SPIDR: variants seen among roughly 807,000 people sequenced by gnomAD.
SPIDR encodes the protein DNA repair-scaffolding protein.
Under a neutral mutation model 104.6 loss-of-function variants are expected in SPIDR, and 93 were observed. The observed-to-expected ratio is 0.89, with a 90% CI of 0.75 to 1.06. SPIDR has a LOEUF of 1.06. Ranked by LOEUF, SPIDR falls within the 50% of genes least tolerant of loss-of-function variation. The pLI, the probability that SPIDR is intolerant of heterozygous loss-of-function variation, is 0.00. For synonymous variants in SPIDR, 431 were observed against 416.9 expected (o/e 1.03, Z -0.41); for missense variants, 1,154 against 1,111.2 (o/e 1.04, Z -0.55).
intron 1 of SPIDR, 122 bp downstream of exon 1, chr8:47,261,113 C>A: frequency 9.0e-7 from 1 of 1,105,344 alleles, no homozygotes; most frequent in Non-Finnish European, 1.1e-6. Context: ...GGGTGAAGGG[C>A]TAGGTGGTGG....
chr8:47,595,955 G>T lies in SPIDR; in HGVS notation c.1242G>T (p.Leu414Phe). 1.2e-6 allele frequency: 2 copies of T among 1,613,962 alleles called. No individual in the cohort carries two copies. Among genetic ancestry groups the T allele is most frequent in the Non-Finnish European group, 1.7e-6 (2 of 1,179,980 alleles). ...CCCTTCCAAGAAGAAGCATCTCTTT[G>T]GCCCAGATGTTTGTAATTAAGGGTC... ...DIPLPRRSIS[L>F]AQMFVIKGLT... The change falls in exon 9 of 20, where the codon TTG (leucine) becomes TTT (phenylalanine). Residue 414 changes from leucine to phenylalanine, a missense_variant. Coordinates refer to ENST00000297423, the MANE Select transcript of SPIDR (RefSeq NM_001080394.4).
intron 8 of SPIDR, among the ~76,000 whole-genome samples, chr8:47,441,845 G>T (rs1174775782): frequency 6.6e-6 from 1 of 152,114 alleles, no homozygotes; most frequent in African/African-American, 2.4e-5. Flanking sequence ...GGTAGTGAAT[G>T]CAATTTTATT....
chr8:47,495,421 A>G (rs1380070774), intron 8 of SPIDR, among the ~76,000 whole-genome samples: 1 of 152,108 alleles, frequency 6.6e-6, no homozygotes, highest in Non-Finnish European at 1.5e-5. Context: ...AACATAGTAT[A>G]CAATTCTTCA....
chr8:47,488,363 G>C (rs1403949357), intron 8 of SPIDR, among the ~76,000 whole-genome samples: 2 of 152,124 alleles, frequency 1.3e-5, no homozygotes, highest in African/African-American at 4.8e-5. Flanking sequence ...ATAATTAATA[G>C]CCTACCAACC....
chr8:47,683,514 A>G (rs2077352260), intron 11 of SPIDR, among the ~76,000 whole-genome samples: 1 of 152,170 alleles, frequency 6.6e-6, no homozygotes, highest in Non-Finnish European at 1.5e-5. Flanking sequence ...TCTACCCATA[A>G]ACTTATTTTC....
Position 47,391,046 on chromosome 8 carries a change from G to A in SPIDR, c.526-5330G>A, listed in dbSNP as rs147316730. The stretch of plus-strand genomic sequence containing the variant: ...ACATATCCTTTCTGAAAGATCGTGT[G>A]TTTCTCACAGTCGGGCTTAGGCCAA... On this transcript the variant is annotated intron_variant, in intron 5 of 19. Transcript: ENST00000297423. Among the ~76,000 whole-genome samples, 160 of 152,248 alleles carry A rather than the reference G, an allele frequency of 1.1e-3. 3 individuals carry two copies. In the East Asian group the frequency reaches 0.025, roughly 24 times the overall value.
intron 1 of SPIDR, among the ~76,000 whole-genome samples, chr8:47,271,467 T>G (rs2154214735): frequency 6.6e-6 from 1 of 152,246 alleles, no homozygotes; most frequent in East Asian, 1.9e-4. Flanking sequence ...TGTGAATTCC[T>G]TTTTTTGCCA....
chr8:47,495,912 A>C (rs561103241), intron 8 of SPIDR, among the ~76,000 whole-genome samples: 2 of 152,160 alleles, frequency 1.3e-5, no homozygotes, highest in Admixed American at 6.6e-5. Flanking sequence ...CTTTAGGTCT[A>C]TGTACCATCC....
At chr8:47,305,817 CACATA>C (rs1338565588) in intron 5 of SPIDR, among the ~76,000 whole-genome samples, 1 of 152,138 alleles carries the variant, frequency 6.6e-6, no homozygotes, top group African/African-American at 2.4e-5. Context: ...TTTTAAAATA[CACATA>C]ACATAAAATT....
intron 10 of SPIDR, among the ~76,000 whole-genome samples, chr8:47,666,972 T>C (rs1478354931): frequency 6.6e-6 from 1 of 152,132 alleles, no homozygotes; most frequent in African/African-American, 2.4e-5. Context: ...TTTAGTCAAA[T>C]TAGCTCAACT....
At chr8:47,444,484 G>A (rs2070150928) in intron 8 of SPIDR, among the ~76,000 whole-genome samples, 1 of 152,214 alleles carries the variant, frequency 6.6e-6, no homozygotes, top group African/African-American at 2.4e-5. Context: ...ATTGTCATGA[G>A]TATACCCTTC....
At chr8:47,493,016 GGAGAGAGAGA>G (rs35531714) in intron 8 of SPIDR, among the ~76,000 whole-genome samples, 1 of 140,394 alleles carries the variant, frequency 7.1e-6, no homozygotes, top group South Asian at 2.4e-4. Flanking sequence ...TTGAGCCATT[GGAGAGAGAGA>G]GAGAGAGAGA....
At position 47,496,810 on chromosome 8, in the gene SPIDR, ATGTTTGTTTGTTTGTT is replaced by A. The variant is rs56406549; in HGVS notation, c.1097+56288_1097+56303del. Among the ~76,000 whole-genome samples the A allele has an allele frequency of 2.2e-4, 32 of 146,060 alleles. No homozygotes were observed. In the East Asian group the frequency reaches 5.1e-3, roughly 23 times the overall value. On this transcript the variant is annotated intron_variant, in intron 8 of 19. Transcript: ENST00000297423. ...TTCACCACTGAAACTATCTGGGCCTATGTTTGTTTGTTTGTTTGTTTGTTTGTTTGTTTGTCAGAAG... is the reference window on the plus strand; with the variant it reads ...TTCACCACTGAAACTATCTGGGCCTATGTTTGTTTGTTTGTTTGTCAGAAG...
At chr8:47,320,744 C>A (rs1039037090) in intron 5 of SPIDR, among the ~76,000 whole-genome samples, 1 of 152,166 alleles carries the variant, frequency 6.6e-6, no homozygotes, top group Non-Finnish European at 1.5e-5. Context: ...AAAAGCTTAT[C>A]CACCATGATC....
At chr8:47,694,976 A>C (rs536816693) in intron 11 of SPIDR, among the ~76,000 whole-genome samples, 1 of 152,298 alleles carries the variant, frequency 6.6e-6, no homozygotes, top group East Asian at 1.9e-4. Flanking sequence ...ACACAAAAAC[A>C]TATTTAGCAA....
rs770999396 is a variant in SPIDR, at chr8:47,701,830, C to G, written c.1883C>G (p.Pro628Arg). ...DEDPIYKLYQ[P>R]PVTRCLRDIL... ...GACCCCATTTATAAGCTTTACCAGC[C>G]TCCAGTTACCCGCTGCTTAAGAGAC... The change falls in exon 13 of 20, where the codon CCT becomes CGT. Residue 628 changes from proline to arginine, a missense_variant. Pro to Arg is a moderately radical substitution (Grantham distance 103). Coordinates refer to ENST00000297423, the MANE Select transcript of SPIDR (RefSeq NM_001080394.4). 4 of 1,614,096 alleles carry G rather than the reference C, an allele frequency of 2.5e-6. No homozygotes were observed. The South Asian group carries it at 4.4e-5, about 18-fold the overall frequency.
chr8:47,604,530 G>A (rs1299781043), intron 10 of SPIDR, among the ~76,000 whole-genome samples: 3 of 152,240 alleles, frequency 2.0e-5, no homozygotes, highest in African/African-American at 4.8e-5. Context: ...AGCTACTGCC[G>A]TAGTCCAGGT....
chr8:47,578,200 C>CG (rs1004246786), intron 8 of SPIDR, among the ~76,000 whole-genome samples: 3 of 152,156 alleles, frequency 2.0e-5, no homozygotes, highest in African/African-American at 7.2e-5. Context: ...CAGCCGGGTG[C>CG]GGTGGCTCAC....
chr8:47,484,478 A>G lies in SPIDR; in HGVS notation c.1097+43936A>G, dbSNP rs571722178. Among the ~76,000 whole-genome samples, 151 of 152,286 alleles carry G rather than the reference A, an allele frequency of 9.9e-4. 1 individual carries two copies. The highest frequency in any genetic ancestry group is 3.5e-3 in the African/African-American group (145 of 41,562). On this transcript the variant is annotated intron_variant, in intron 8 of 19. Coordinates refer to ENST00000297423, the MANE Select transcript of SPIDR (RefSeq NM_001080394.4). ...CTGTATGCAGCACCTCCTTGAAGGT[A>G]AATCCATCCTCCAGAGCAGAACATG...
Sources: gnomAD v4.1 joint callset for allele counts (sites outside exome capture counted in the v4.1 genomes callset) on GRCh38, gnomAD v4.1.1 for gene constraint, MANE v1.5 for transcripts, NCBI Gene and HGNC (gene_info 2026-07-23, HGNC 2026-07-21) for gene names.